The following ASB18 variants were observed in gnomAD, a reference collection of about 807,000 sequenced individuals.
The protein encoded by ASB18 is ankyrin repeat and SOCS box protein 18.
A neutral mutation model predicts 33.4 loss-of-function variants in ASB18; 33 were observed. The ratio of observed to expected loss-of-function variants is 0.99; its 90% CI spans 0.75 to 1.32. The LOEUF (loss-of-function observed/expected upper bound fraction) is 1.32, where lower values mean the gene tolerates loss of function less well. Among genes scored for constraint, ASB18 ranks in the 40% most tolerant of loss-of-function variants. The probability of loss-of-function intolerance (pLI) is 0.00; values close to 1 mark genes in which losing one functional copy is unlikely to be tolerated. For missense variants in ASB18, 694 were observed against 655.5 expected (o/e 1.06, Z -0.64); for synonymous variants, 295 against 307.6 (o/e 0.96, Z 0.43).
intron 1 of ASB18, among the ~76,000 whole-genome samples, chr2:236,254,595 C>A (rs1212193133): frequency 6.6e-6 from 1 of 151,888 alleles, no homozygotes; most frequent in Non-Finnish European, 1.5e-5. Context: ...GTATGTTAAA[C>A]CTTTTATTTT....
intron 4 of ASB18, among the ~76,000 whole-genome samples, chr2:236,210,194 C>G (rs1261723725): frequency 2.0e-5 from 3 of 152,194 alleles, no homozygotes; most frequent in East Asian, 1.9e-4. Flanking sequence ...GTACCAAGCA[C>G]CCAAGTTCCC....
chr2:236,216,103 A>C lies in ASB18; in HGVS notation c.597-1237T>G, dbSNP rs1207690735. Among the ~76,000 whole-genome samples, 2 of 152,156 alleles carry C rather than the reference A, an allele frequency of 1.3e-5. No homozygotes were observed. Among genetic ancestry groups the C allele is most frequent in the Non-Finnish European group, 2.9e-5 (2 of 68,026 alleles). On this transcript the variant is annotated intron_variant, in intron 3 of 5. Transcript: ENST00000409749. This position sits in a 1 kb window ranked among gnomAD's most constrained non-coding sequence, Gnocchi z 6.1. Reference sequence around the variant, plus strand: ...TCAAATGGCCGAATCTTCAAGCCGGAGTCCATTCTTCACCCCCCTCCTTTT... The same window carrying C: ...TCAAATGGCCGAATCTTCAAGCCGGCGTCCATTCTTCACCCCCCTCCTTTT...
rs2060728095 is a variant in ASB18, at chr2:236,263,246, AT to A, written c.205+894del. 6.6e-6 allele frequency among the ~76,000 whole-genome samples: 1 copy of A among 152,236 alleles called. No individual in the cohort carries two copies. ...ATGTTACGTGAAGAAGTCCTACAAA[AT>A]GATAAAAATGATTCCAAGAGATGGA... On this transcript the variant is annotated intron_variant, in intron 1 of 5. Coordinates refer to ENST00000409749, the MANE Select transcript of ASB18 (RefSeq NM_212556.4). This position sits in a 1 kb window ranked among gnomAD's most constrained non-coding sequence, Gnocchi z 4.0.
rs111975448 is a variant in ASB18 at position 236,217,424 on chromosome 2, A to ATAAATAAAT, written c.597-2559_597-2558insATTTATTTA. 2.0e-5 allele frequency among the ~76,000 whole-genome samples: 3 copies of ATAAATAAAT among 150,306 alleles called. No individual in the cohort carries two copies. The highest frequency in any genetic ancestry group is 7.4e-5 in the African/African-American group (3 of 40,404). On this transcript the variant is annotated intron_variant, in intron 3 of 5. Coordinates refer to ENST00000409749, the MANE Select transcript of ASB18 (RefSeq NM_212556.4). This position sits in a 1 kb window ranked among gnomAD's most constrained non-coding sequence, Gnocchi z 5.2. ...CGAGACTCTGTCTCAAAAAAAAAAAAAAATAAATCTTGGCACCTTCAACTC... is the reference window on the plus strand; with the variant it reads ...CGAGACTCTGTCTCAAAAAAAAAAAATAAATAAATAAATAAATCTTGGCACCTTCAACTC...
rs1243252160 is a variant in ASB18 at position 236,217,692 on chromosome 2, A to T, written c.597-2826T>A. Among the ~76,000 whole-genome samples the T allele has an allele frequency of 6.6e-6, 1 of 152,160 alleles. No homozygotes were observed. Among genetic ancestry groups the T allele is most frequent in the Non-Finnish European group, 1.5e-5 (1 of 68,036 alleles). ...TAAATCCATTTATATTTTTACCTAG[A>T]GGCTCTCAGTATTTTAAATTCTCCC... On this transcript the variant is annotated intron_variant, in intron 3 of 5. Coordinates refer to ENST00000409749, the MANE Select transcript of ASB18 (RefSeq NM_212556.4). This position sits in a 1 kb window ranked among gnomAD's most constrained non-coding sequence, Gnocchi z 5.2.
chr2:236,242,347 A>T (rs2060624777), intron 1 of ASB18, among the ~76,000 whole-genome samples: 4 of 152,156 alleles, frequency 2.6e-5, no homozygotes, highest in African/African-American at 9.7e-5. Flanking sequence ...TCTTTCTCCA[A>T]GCGAAGGCGG....
At chr2:236,224,908 A>G (rs775125387) in intron 3 of ASB18, among the ~76,000 whole-genome samples, 2 of 152,080 alleles carry the variant, frequency 1.3e-5, no homozygotes, top group Admixed American at 1.3e-4. Flanking sequence ...ATCAAACAAG[A>G]CCATGTTCTT....
rs2060523284 is a variant in ASB18 at position 236,223,684 on chromosome 2, G to A, written c.597-8818C>T. ...TTCCATTTTGCCAGGAATTTCTCCT[G>A]TGTTTACCACCAGTCAGTCATAACC... On this transcript the variant is annotated intron_variant, in intron 3 of 5. Coordinates refer to ENST00000409749, the MANE Select transcript of ASB18 (RefSeq NM_212556.4). This position sits in a 1 kb window ranked among gnomAD's most constrained non-coding sequence, Gnocchi z 4.6. Among the ~76,000 whole-genome samples, 1 of 152,170 alleles carries A rather than the reference G, an allele frequency of 6.6e-6. No homozygotes were observed. Among genetic ancestry groups the A allele is most frequent in the South Asian group, 2.1e-4 (1 of 4,830 alleles).
chr2:236,238,610 G>GGTGTGTGTGTGTGTGTGT lies in ASB18; in HGVS notation c.329-672_329-655dup, dbSNP rs149889496. On this transcript the variant is annotated intron_variant, in intron 2 of 5. Transcript: ENST00000409749. The surrounding 1 kb of genome is among the most constrained non-coding windows in gnomAD (Gnocchi z 5.2). Reference sequence around the variant, plus strand: ...GGTTTGTTTCTTTGCGCTTTTTAGGGGTGTGTGTGTGTGTGTGTGTAGGGT... The same window carrying GGTGTGTGTGTGTGTGTGT: ...GGTTTGTTTCTTTGCGCTTTTTAGGGGTGTGTGTGTGTGTGTGTGTGTGTGTGTGTGTGTGTGTAGGGT... Among the ~76,000 whole-genome samples, 461 of 150,380 alleles carry GGTGTGTGTGTGTGTGTGT rather than the reference G, an allele frequency of 3.1e-3. 2 individuals carry two copies. Among genetic ancestry groups the GGTGTGTGTGTGTGTGTGT allele is most frequent in the African/African-American group, 9.8e-3 (402 of 40,888 alleles).
At position 236,225,318 on chromosome 2, in the gene ASB18, G is replaced by C. The variant is rs1457454822; in HGVS notation, c.597-10452C>G. Among the ~76,000 whole-genome samples the C allele has an allele frequency of 1.3e-5, 2 of 151,932 alleles. No homozygotes were observed. Among genetic ancestry groups the C allele is most frequent in the Non-Finnish European group, 2.9e-5 (2 of 67,988 alleles). ...TGCAGAGATGGGGTCTCACTATGTT[G>C]CCCAGGCTGGTCTCAAACTCCTGGG... On this transcript the variant is annotated intron_variant, in intron 3 of 5. Transcript: ENST00000409749. This position sits in a 1 kb window ranked among gnomAD's most constrained non-coding sequence, Gnocchi z 5.1.
In ASB18 at chr2:236,203,127, C is replaced by T. The variant is rs1256786685; in HGVS notation, c.1102-6742G>A. 6.6e-6 allele frequency among the ~76,000 whole-genome samples: 1 copy of T among 152,130 alleles called. No individual in the cohort carries two copies. Among genetic ancestry groups the T allele is most frequent in the Non-Finnish European group, 1.5e-5 (1 of 68,036 alleles). ...TCTGTAGGTATTTGCCGAGCTCCTA[C>T]TAGAAAGCAGGGATTGTGTTATGTC... On this transcript the variant is annotated intron_variant, in intron 4 of 5. Transcript: ENST00000409749. The surrounding 1 kb of genome is among the most constrained non-coding windows in gnomAD (Gnocchi z 6.0).
rs897412854 is a variant in ASB18 at position 236,237,630 on chromosome 2, A to T, written c.596+59T>A. On this transcript the variant is annotated intron_variant, in intron 3 of 5. Transcript: ENST00000409749. This position sits in a 1 kb window ranked among gnomAD's most constrained non-coding sequence, Gnocchi z 6.2. ...GCGGGGTCGGCGGTCTCGTGGGGGG[A>T]GGCGGGCGTCTGGTCTCGGGGCGGG... 2.9e-5 allele frequency: 31 copies of T among 1,085,658 alleles called. No individual in the cohort carries two copies. Among genetic ancestry groups the T allele is most frequent in the African/African-American group, 3.6e-5 (1 of 27,702 alleles). The allele number at this position is 1,085,658 out of a possible 1,614,324, so 67.3% of individuals were successfully genotyped here.
intron 3 of ASB18, among the ~76,000 whole-genome samples, chr2:236,230,766 TA>T (rs1175829937): frequency 6.6e-6 from 1 of 151,318 alleles, no homozygotes; most frequent in Non-Finnish European, 1.5e-5. Context: ...ATGAAATCAT[TA>T]AAAATGTTCA....
rs2060639942 is a variant in ASB18, at chr2:236,245,369, C to G, written c.206-3967G>C. ...AACTGGGACTCACAGATTCAGTTACCTTTCTCAAGATTTCTGAATCCTGAC... is the reference window on the plus strand; with the variant it reads ...AACTGGGACTCACAGATTCAGTTACGTTTCTCAAGATTTCTGAATCCTGAC... On this transcript the variant is annotated intron_variant, in intron 1 of 5. Transcript: ENST00000409749. This position sits in a 1 kb window ranked among gnomAD's most constrained non-coding sequence, Gnocchi z 4.7. Among the ~76,000 whole-genome samples the G allele has an allele frequency of 6.6e-6, 1 of 152,198 alleles. No homozygotes were observed. The highest frequency in any genetic ancestry group is 2.4e-5 in the African/African-American group (1 of 41,454).
rs1284984473 is a variant in ASB18 at position 236,234,908 on chromosome 2, C to G, written c.596+2781G>C. Among the ~76,000 whole-genome samples the G allele has an allele frequency of 6.6e-6, 1 of 151,762 alleles. No individual in the cohort carries two copies. The highest frequency in any genetic ancestry group is 1.5e-5 in the Non-Finnish European group (1 of 67,964). ...CAGATTTTTTTTTAGATATCATAAC[C>G]CAACCTAATCCTTAAAAGAGAAAAA... On this transcript the variant is annotated intron_variant, in intron 3 of 5. Transcript: ENST00000409749. The surrounding 1 kb of genome is among the most constrained non-coding windows in gnomAD (Gnocchi z 4.1).
At chr2:236,224,557 G>GA (rs74941956) in intron 3 of ASB18, among the ~76,000 whole-genome samples, 25,101 of 151,946 alleles carry the variant, frequency 0.17, 2,147 homozygotes, top group South Asian at 0.24. Flanking sequence ...CAGTTTTTGG[G>GA]AAAAAAACTT....
In ASB18 at chr2:236,208,405, G is replaced by A. The variant is rs1052463800; in HGVS notation, c.1101+5957C>T. Among the ~76,000 whole-genome samples, 11 of 152,288 alleles carry A rather than the reference G, an allele frequency of 7.2e-5. No homozygotes were observed. Among genetic ancestry groups the A allele is most frequent in the Admixed American group, 5.2e-4 (8 of 15,294 alleles). On this transcript the variant is annotated intron_variant, in intron 4 of 5. Transcript: ENST00000409749. The surrounding 1 kb of genome is among the most constrained non-coding windows in gnomAD (Gnocchi z 7.7). Reference sequence around the variant, plus strand: ...AATCACGCCATTAAGAAGGACTCACGCTGGACCCCTCGGGATGGAGTCTGC... The same window carrying A: ...AATCACGCCATTAAGAAGGACTCACACTGGACCCCTCGGGATGGAGTCTGC...
At position 236,241,464 on chromosome 2, in the gene ASB18, C is replaced by T. The variant is rs1259518315; in HGVS notation, c.206-62G>A. ...ACCCTGCTCTAGCTTGAGGATCCTT[C>T]TCTGTCTTTTGAAATATTTGAAGTT... On this transcript the variant is annotated intron_variant, in intron 1 of 5. Transcript: ENST00000409749. The surrounding 1 kb of genome is among the most constrained non-coding windows in gnomAD (Gnocchi z 4.2). 2 of 1,603,356 alleles carry T rather than the reference C, an allele frequency of 1.2e-6. No homozygotes were observed. The highest frequency in any genetic ancestry group is 1.7e-6 in the Non-Finnish European group (2 of 1,172,128).
At chr2:236,212,110 G>A (rs1213964156) in intron 4 of ASB18, among the ~76,000 whole-genome samples, 1 of 152,194 alleles carries the variant, frequency 6.6e-6, no homozygotes, top group Admixed American at 6.5e-5. Context: ...CTTCCAGGAT[G>A]GGTGGGAACT....
Sources: allele counts gnomAD v4.1 joint callset (sites outside exome capture counted in the v4.1 genomes callset), GRCh38; gene constraint gnomAD v4.1.1; non-coding constraint Gnocchi (gnomAD v3.1); transcripts MANE v1.5; gene names NCBI Gene and HGNC (gene_info 2026-07-23, HGNC 2026-07-21).